DISC1: variants seen among roughly 807,000 people sequenced by gnomAD.
DISC1 encodes the protein disrupted in schizophrenia 1 protein.
In DISC1, 57 loss-of-function variants were observed where a neutral mutation model predicts 84.5. That is an observed-to-expected ratio of 0.67 (90% CI 0.55 to 0.84). DISC1 has a LOEUF of 0.84. Among genes scored for constraint, DISC1 ranks in the 40% least tolerant of loss-of-function variants. The pLI is 0.00. For missense variants in DISC1, 1,000 were observed against 1,057.8 expected (o/e 0.95, Z 0.76); for synonymous variants, 411 against 415.2 (o/e 0.99, Z 0.12).
chr1:231,641,381 C>G (rs1200770523), intron 1 of DISC1, among the ~76,000 whole-genome samples: 1 of 152,060 alleles, frequency 6.6e-6, no homozygotes, highest in East Asian at 1.9e-4. Flanking sequence ...GTGAGTGTTA[C>G]AGCTCTTAAG....
At chr1:231,892,125 C>A (rs2087278937) in intron 9 of DISC1, among the ~76,000 whole-genome samples, 2 of 152,180 alleles carry the variant, frequency 1.3e-5, no homozygotes, top group Admixed American at 1.3e-4. Flanking sequence ...AATGCTGATA[C>A]TTGACAAACT....
At chr1:231,855,624 C>T (rs925697625) in intron 9 of DISC1, among the ~76,000 whole-genome samples, 3 of 152,210 alleles carry the variant, frequency 2.0e-5, no homozygotes, top group Non-Finnish European at 4.4e-5. Flanking sequence ...TCCTCATGCC[C>T]TTAAACCAAG....
At chr1:232,026,171 G>C (rs1408771388) in intron 11 of DISC1, among the ~76,000 whole-genome samples, 6 of 152,058 alleles carry the variant, frequency 3.9e-5, no homozygotes, top group African/African-American at 1.4e-4. Context: ...ATCCACTTCG[G>C]GACTTGACAT....
At chr1:231,878,590 A>G (rs547434760) in intron 9 of DISC1, among the ~76,000 whole-genome samples, 2 of 152,282 alleles carry the variant, frequency 1.3e-5, no homozygotes, top group Non-Finnish European at 2.9e-5. Context: ...ATCTTTATAT[A>G]AAGGGCAATG....
intron 9 of DISC1, among the ~76,000 whole-genome samples, chr1:231,899,855 A>G (rs939288898): frequency 2.0e-5 from 3 of 152,154 alleles, no homozygotes; most frequent in African/African-American, 7.2e-5. Context: ...GAGATTTTCC[A>G]TTCTATGTTA....
chr1:231,746,099 A>C (rs1418928045), intron 3 of DISC1, among the ~76,000 whole-genome samples: 1 of 152,218 alleles, frequency 6.6e-6, no homozygotes, highest in Non-Finnish European at 1.5e-5. Context: ...GGAGCTAAAT[A>C]AATCTGTTTT....
chr1:231,952,971 T>C (rs973404248), intron 9 of DISC1, among the ~76,000 whole-genome samples: 12 of 152,072 alleles, frequency 7.9e-5, no homozygotes, highest in South Asian at 4.1e-4. Flanking sequence ...ACTGCTGTCA[T>C]GTTATATGAA....
chr1:231,930,521 A>G (rs566347669), intron 9 of DISC1, among the ~76,000 whole-genome samples: 1 of 152,302 alleles, frequency 6.6e-6, no homozygotes, highest in Non-Finnish European at 1.5e-5. Context: ...TGTTGCCCAC[A>G]GTCTCCTGCC....
At chr1:231,997,258 G>A (rs925802938) in intron 10 of DISC1, among the ~76,000 whole-genome samples, 1 of 152,132 alleles carries the variant, frequency 6.6e-6, no homozygotes, top group African/African-American at 2.4e-5. Context: ...CAGTATTCCA[G>A]TCATTATACT....
intron 11 of DISC1, among the ~76,000 whole-genome samples, chr1:232,025,525 C>A (rs946397765): frequency 6.6e-6 from 1 of 152,006 alleles, no homozygotes; most frequent in East Asian, 1.9e-4. Context: ...ATCAATACTA[C>A]GTGCCTGTCA....
chr1:231,909,215 G>A (rs1385948925), intron 9 of DISC1, among the ~76,000 whole-genome samples: 2 of 152,242 alleles, frequency 1.3e-5, no homozygotes, highest in African/African-American at 4.8e-5. Flanking sequence ...ATGCTGAATA[G>A]GAGTGGTGAG....
At chr1:231,778,437 G>A (rs1225119783) in intron 6 of DISC1, among the ~76,000 whole-genome samples, 1 of 152,176 alleles carries the variant, frequency 6.6e-6, no homozygotes, top group Admixed American at 6.5e-5. Flanking sequence ...TCTATGTTAA[G>A]TTCCTCCTTA....
chr1:231,859,237 C>T (rs968989723), intron 9 of DISC1, among the ~76,000 whole-genome samples: 2 of 152,222 alleles, frequency 1.3e-5, no homozygotes, highest in African/African-American at 4.8e-5. Flanking sequence ...CCACCCTGCT[C>T]TATTTCTTTT....
At chr1:231,745,793 A>T (rs2073912601) in intron 3 of DISC1, among the ~76,000 whole-genome samples, 2 of 152,046 alleles carry the variant, frequency 1.3e-5, no homozygotes, top group South Asian at 4.2e-4. Context: ...TCCCCTTCAA[A>T]TTTCATGTTG....
intron 10 of DISC1, among the ~76,000 whole-genome samples, chr1:231,983,000 G>C (rs1312414122): frequency 6.6e-6 from 1 of 152,196 alleles, no homozygotes; most frequent in African/African-American, 2.4e-5. Flanking sequence ...AAAAATGTAA[G>C]AGCAGCAGAT....
intron 6 of DISC1, among the ~76,000 whole-genome samples, chr1:231,788,831 C>T (rs896306250): frequency 3.3e-5 from 5 of 152,056 alleles, no homozygotes; most frequent in Admixed American, 6.6e-5. Flanking sequence ...AAGATGGAGC[C>T]GCTCCCCATC....
rs1453031955 is a variant in DISC1 at position 232,036,883 on chromosome 1, G to A, written c.*52G>A. 6.3e-6 allele frequency: 9 copies of A among 1,438,904 alleles called. No homozygotes were observed. In the Admixed American group the frequency reaches 8.8e-5, roughly 14 times the overall value. 89.1% of individuals were successfully genotyped at this position (1,438,904 alleles called of 1,614,324 possible). A position where few individuals can be genotyped will look rare whatever the true frequency, so the allele number is the denominator to read the frequency against. ...GGGCCACCATGTTTGGACCCGGGGG[G>A]CTGCTCTTCCCTCCCCCGCCATAGC... On this transcript the variant is annotated 3_prime_UTR_variant, in exon 13 of 13. Transcript: ENST00000439617.
At chr1:231,859,851 T>C (rs181440639) in intron 9 of DISC1, among the ~76,000 whole-genome samples, 2 of 152,294 alleles carry the variant, frequency 1.3e-5, no homozygotes, top group African/African-American at 4.8e-5. Context: ...AGTCGAAAAC[T>C]GAGGACTTGG....
intron 9 of DISC1, among the ~76,000 whole-genome samples, chr1:231,942,435 G>A (rs1199901476): frequency 2.6e-5 from 4 of 152,150 alleles, no homozygotes; most frequent in Admixed American, 6.5e-5. Context: ...AGGCCAAGGC[G>A]GGCAGATTTA....
Sources: gnomAD v4.1 joint callset for allele counts (sites outside exome capture counted in the v4.1 genomes callset) on GRCh38, gnomAD v4.1.1 for gene constraint, MANE v1.5 for transcripts, NCBI Gene and HGNC (gene_info 2026-07-23, HGNC 2026-07-21) for gene names.